The following FAXDC2 variants were observed in gnomAD, a reference collection of about 807,000 sequenced individuals.
The protein encoded by FAXDC2 is fatty acid hydroxylase domain-containing protein 2.
A neutral mutation model predicts 40.9 loss-of-function variants in FAXDC2; 41 were observed. The observed-to-expected ratio is 1.00, with a 90% CI of 0.78 to 1.30. The LOEUF is 1.30. Ranked by LOEUF, FAXDC2 falls within the 50% of genes most tolerant of loss-of-function variation. The probability of loss-of-function intolerance (pLI) is 0.00; values close to 1 mark genes in which losing one functional copy is unlikely to be tolerated. For missense variants in FAXDC2, 390 were observed against 408.8 expected (o/e 0.95, Z 0.40); for synonymous variants, 157 against 149.3 (o/e 1.05, Z -0.38).
Position 154,834,888 on chromosome 5 carries a change from C to G in FAXDC2, c.95G>C (p.Gly32Ala). 1 of 1,609,916 alleles carries G rather than the reference C, an allele frequency of 6.2e-7. No homozygotes were observed. ...GSMRRTAFIL[G>A]SGLLSFVAFW... ...GGCCACAAATGAGAGAAGTCCAGAGCCCAGGATGAAAGCTGTCCTCCTCAT... is the reference window on the plus strand; with the variant it reads ...GGCCACAAATGAGAGAAGTCCAGAGGCCAGGATGAAAGCTGTCCTCCTCAT... Residue 32 changes from glycine (G) to alanine (A), a missense_variant, in exon 3 of 9, where the codon GGC becomes GCC. Coordinates refer to ENST00000326080, the MANE Select transcript of FAXDC2 (RefSeq NM_032385.5).
intron 5 of FAXDC2, among the ~76,000 whole-genome samples, chr5:154,825,668 A>AAAAAAAAAAAAAAAAAAAAAAAAAAAC (rs70981954): frequency 7.0e-6 from 1 of 143,350 alleles, no homozygotes; most frequent in Admixed American, 6.9e-5. Context: ...AAAAAAAAAA[A>AAAAAAAAAAAAAAAAAAAAAAAAAAAC]GCAGTAATAT....
In FAXDC2 at chr5:154,821,409, C is replaced by G. The variant is rs377392941; in HGVS notation, c.696G>C (p.Pro232=). The change falls in exon 8 of 9, where the codon CCG becomes CCC. Residue 232 remains proline, a synonymous_variant. Transcript: ENST00000326080. Reference sequence around the variant, plus strand: ...CCATTACTAATGGGCCCACTATCACCGGTAGCATGTTGGAGACCTGCAAGA... The same window carrying G: ...CCATTACTAATGGGCCCACTATCACGGGTAGCATGTTGGAGACCTGCAAGA... ...PIEHAVSNML[P]VIVGPLVMGS... The G allele has an allele frequency of 6.2e-7, 1 of 1,611,422 alleles. No homozygotes were observed.
chr5:154,848,150 C>T (rs1760648582), intron 1 of FAXDC2, among the ~76,000 whole-genome samples: 1 of 152,026 alleles, frequency 6.6e-6, no homozygotes, highest in African/African-American at 2.4e-5. Flanking sequence ...ACTGAATGTT[C>T]CTATTTTATA....
chr5:154,833,243 G>T (rs918287765), intron 4 of FAXDC2, among the ~76,000 whole-genome samples: 1 of 150,902 alleles, frequency 6.6e-6, no homozygotes, highest in Non-Finnish European at 1.5e-5. Context: ...CACTATGTTG[G>T]CCAGGCTGGT....
At chr5:154,824,013 T>C (rs1759955322) in intron 5 of FAXDC2, 1 of 231,872 alleles carries the variant, frequency 4.3e-6, no homozygotes, top group Non-Finnish European at 8.5e-6. Context: ...ACCTTGTTCA[T>C]GATTGGATGC....
chr5:154,836,207 CTT>C (rs2113154887), intron 2 of FAXDC2: 1 of 152,438 alleles, frequency 6.6e-6, no homozygotes, highest in African/African-American at 2.4e-5. Context: ...CACTTTCTGA[CTT>C]TTAATAACCC....
At chr5:154,842,931 C>G (rs1386383935) in intron 1 of FAXDC2, among the ~76,000 whole-genome samples, 5 of 152,032 alleles carry the variant, frequency 3.3e-5, no homozygotes, top group Non-Finnish European at 5.9e-5. Context: ...CCTCAGCCTC[C>G]CAAGCACTGG....
intron 1 of FAXDC2, among the ~76,000 whole-genome samples, chr5:154,839,997 A>T (rs1760441564): frequency 6.6e-6 from 1 of 152,156 alleles, no homozygotes; most frequent in African/African-American, 2.4e-5. Context: ...ACTACAGATC[A>T]TCTGGTCCCA....
rs1759851542 is a variant in FAXDC2 at position 154,820,351 on chromosome 5, CAGAG to C, written c.963_966del (p.Ser322ArgfsTer83). 1 of 1,612,982 alleles carries C rather than the reference CAGAG, an allele frequency of 6.2e-7. No homozygotes were observed. Among genetic ancestry groups the C allele is most frequent in the South Asian group, 1.1e-5 (1 of 90,986 alleles). ...CTCTTTGGGGAGTCTGGGATGCTCTCAGAGAGCGGGGTGAAGCCCAGCAGGAGGA... is the reference window on the plus strand; with the variant it reads ...CTCTTTGGGGAGTCTGGGATGCTCTCAGCGGGGTGAAGCCCAGCAGGAGGA... On this transcript the variant is annotated frameshift_variant, in exon 9 of 9. Coordinates refer to ENST00000326080, the MANE Select transcript of FAXDC2 (RefSeq NM_032385.5). LOFTEE classifies it high-confidence loss of function.
In FAXDC2 at chr5:154,838,235, G is replaced by A. The variant is rs1040477549; in HGVS notation, c.1-57C>T. ...GTTATTTTCATAAACATCTAAGGAAGTAGGGAGTGGAGAAAGTCAAAGTGT... is the reference window on the plus strand; with the variant it reads ...GTTATTTTCATAAACATCTAAGGAAATAGGGAGTGGAGAAAGTCAAAGTGT... On this transcript the variant is annotated intron_variant, in intron 1 of 8. Transcript: ENST00000326080. The A allele has an allele frequency of 9.0e-6, 14 of 1,553,646 alleles. No individual in the cohort carries two copies. In the Admixed American group the frequency reaches 1.4e-4, roughly 16 times the overall value.
intron 5 of FAXDC2, among the ~76,000 whole-genome samples, chr5:154,828,848 G>A (rs1561654304): frequency 6.7e-6 from 1 of 148,462 alleles, no homozygotes; most frequent in Non-Finnish European, 1.5e-5. Context: ...CGATCCTCCT[G>A]TCTCTGCCTC....
chr5:154,836,832 GC>G (rs1282787711), intron 2 of FAXDC2, among the ~76,000 whole-genome samples: 3 of 152,002 alleles, frequency 2.0e-5, no homozygotes, highest in African/African-American at 7.2e-5. Context: ...CTGCCACCAA[GC>G]CCGGCTAAAT....
At chr5:154,848,191 G>A (rs975439608) in intron 1 of FAXDC2, among the ~76,000 whole-genome samples, 2 of 152,136 alleles carry the variant, frequency 1.3e-5, no homozygotes, top group Non-Finnish European at 2.9e-5. Context: ...ATGTGAATGT[G>A]TATTGTTTTG....
chr5:154,847,953 C>G lies in FAXDC2; in HGVS notation c.-1+2530G>C, dbSNP rs1004686349. Among the ~76,000 whole-genome samples, 6 of 152,068 alleles carry G rather than the reference C, an allele frequency of 3.9e-5. No individual in the cohort carries two copies. The East Asian group carries it at 7.7e-4, about 20-fold the overall frequency. ...CTCCCGGGTTCATGCCATTCTCCTG[C>G]CTCAGCCTCCCGAGTAGCTGGGACC... On this transcript the variant is annotated intron_variant, in intron 1 of 8. Transcript: ENST00000326080.
intron 1 of FAXDC2, among the ~76,000 whole-genome samples, chr5:154,848,102 G>C (rs893450561): frequency 6.6e-6 from 1 of 152,172 alleles, no homozygotes; most frequent in Non-Finnish European, 1.5e-5. Flanking sequence ...GCCTCCCAAT[G>C]TGCTGGGATT....
At position 154,830,947 on chromosome 5, in the gene FAXDC2, C is replaced by T. The variant is rs373295045; in HGVS notation, c.245-25G>A. ...CCTGAGATTGGGAAACAGAAACAGT[C>T]AGGGCGACTTTGGGTTCTCACAGCA... On this transcript the variant is annotated intron_variant, in intron 4 of 8. Transcript: ENST00000326080. 1.3e-4 allele frequency: 211 copies of T among 1,612,016 alleles called. No homozygotes were observed. In the African/African-American group the frequency reaches 2.4e-3, roughly 18 times the overall value.
chr5:154,844,382 CAAAAAAAA>C (rs1227960252), intron 1 of FAXDC2, among the ~76,000 whole-genome samples: 1 of 90,152 alleles, frequency 1.1e-5, no homozygotes, highest in Non-Finnish European at 2.3e-5. Context: ...ACCCTGCCTC[CAAAAAAAA>C]AAAAAAAGAA....
In FAXDC2 at chr5:154,838,557, A is replaced by C. The variant is rs183726441; in HGVS notation, c.1-379T>G. The C allele has an allele frequency of 2.1e-4, 51 of 243,662 alleles. No individual in the cohort carries two copies. The East Asian group carries it at 7.4e-3, about 35-fold the overall frequency. 15.1% of individuals were successfully genotyped at this position (243,662 alleles called of 1,614,324 possible). A position where few individuals can be genotyped will look rare whatever the true frequency, so the allele number is the denominator to read the frequency against. On this transcript the variant is annotated intron_variant, in intron 1 of 8. Coordinates refer to ENST00000326080, the MANE Select transcript of FAXDC2 (RefSeq NM_032385.5). ...CTGTTGCTGTAAGAGAAAAAAATGA[A>C]CTTACCCAGAACTCAAAGAGTAGTT...
chr5:154,833,213 CT>C (rs545185876), intron 4 of FAXDC2, among the ~76,000 whole-genome samples: 114 of 146,060 alleles, frequency 7.8e-4, no homozygotes, highest in African/African-American at 2.7e-3. Flanking sequence ...ATTTTTTGTA[CT>C]TTTAGTAGAG....
Sources: allele counts gnomAD v4.1 joint callset (sites outside exome capture counted in the v4.1 genomes callset), GRCh38; gene constraint gnomAD v4.1.1; transcripts MANE v1.5; gene names NCBI Gene and HGNC (gene_info 2026-07-23, HGNC 2026-07-21).